AGBL1: variants seen among roughly 807,000 people sequenced by gnomAD.
AGBL1 encodes cytosolic carboxypeptidase 4.
Under a neutral mutation model 118.9 loss-of-function variants are expected in AGBL1, and 130 were observed. The observed-to-expected ratio is 1.09, with a 90% CI of 0.95 to 1.26. The LOEUF (loss-of-function observed/expected upper bound fraction) is 1.26. Ranked by LOEUF, AGBL1 falls within the 50% of genes most tolerant of loss-of-function variation. AGBL1 has a pLI of 0.00. For synonymous variants in AGBL1, 555 were observed against 478.9 expected (o/e 1.16, Z -2.08); for missense variants, 1,584 against 1,298.1 (o/e 1.22, Z -3.38).
At chr15:86,950,428 A>C (rs1458726445) in intron 23 of AGBL1, among the ~76,000 whole-genome samples, 1 of 151,180 alleles carries the variant, frequency 6.6e-6, no homozygotes, top group African/African-American at 2.4e-5. Context: ...GTAGTAAAAG[A>C]GACATAATCA....
intron 19 of AGBL1, among the ~76,000 whole-genome samples, chr15:86,545,276 T>C (rs1272550363): frequency 2.0e-5 from 3 of 152,344 alleles, no homozygotes; most frequent in African/African-American, 7.2e-5. Context: ...TAAGCCATTG[T>C]GTTTTGATGG....
chr15:86,250,607 TA>T (rs1467158081), intron 7 of AGBL1, among the ~76,000 whole-genome samples: 2 of 146,700 alleles, frequency 1.4e-5, no homozygotes, highest in Non-Finnish European at 1.5e-5. Context: ...TTATCAAGTT[TA>T]TGTGCAAAGT....
At chr15:86,345,146 C>T (rs1010242193) in intron 17 of AGBL1, among the ~76,000 whole-genome samples, 3 of 151,796 alleles carry the variant, frequency 2.0e-5, no homozygotes, top group Non-Finnish European at 4.4e-5. Context: ...TCTGCTTGAG[C>T]TTTATATTAA....
At chr15:86,936,267 T>TGA (rs2080674116) in intron 23 of AGBL1, among the ~76,000 whole-genome samples, 4 of 151,536 alleles carry the variant, frequency 2.6e-5, no homozygotes, top group Non-Finnish European at 5.9e-5. Flanking sequence ...TGTGTGTGTG[T>TGA]GACAGAGAGA....
chr15:86,471,152 T>C lies in AGBL1; in HGVS notation c.2556-51658T>C, dbSNP rs139752578. On this transcript the variant is annotated intron_variant, in intron 18 of 22. Coordinates refer to ENST00000614907, the MANE Select transcript of AGBL1 (RefSeq NM_001386094.1). ...TTTTTACCACTGAATATAATGTTAG[T>C]TGTGGGATTGACATAAATGGCCTTT... is the stretch of plus-strand genomic sequence containing the variant. 4.9e-4 allele frequency among the ~76,000 whole-genome samples: 75 copies of C among 152,298 alleles called. 1 individual carries two copies. Among genetic ancestry groups the C allele is most frequent in the African/African-American group, 1.7e-3 (72 of 41,574 alleles).
intron 21 of AGBL1, among the ~76,000 whole-genome samples, chr15:86,590,880 T>A (rs1035846825): frequency 9.9e-5 from 15 of 152,232 alleles, no homozygotes; most frequent in Admixed American, 7.9e-4. Context: ...AAAACACTTT[T>A]ATTTTCCTCA....
At chr15:86,408,024 A>G (rs1366913351) in intron 18 of AGBL1, among the ~76,000 whole-genome samples, 1 of 152,200 alleles carries the variant, frequency 6.6e-6, no homozygotes, top group Non-Finnish European at 1.5e-5. Context: ...CAGCAAAGGC[A>G]GAGGGCAACT....
chr15:86,382,759 C>A (rs2081129489), intron 17 of AGBL1, among the ~76,000 whole-genome samples: 1 of 151,940 alleles, frequency 6.6e-6, no homozygotes, highest in African/African-American at 2.4e-5. Context: ...AGCAGCTCAG[C>A]CTTAATTTTA....
intron 22 of AGBL1, among the ~76,000 whole-genome samples, chr15:86,734,856 C>A (rs78865036): frequency 0.012 from 1,854 of 152,112 alleles, 27 homozygotes; most frequent in East Asian, 0.068. Flanking sequence ...TGCCACTGTT[C>A]CCTGAGTGAG....
chr15:86,113,228 TTTTCTTTTCTTTTCTTTTCTTTTCTTTTC>T (rs201244059), intron 1 of AGBL1, among the ~76,000 whole-genome samples: 12,223 of 84,544 alleles, frequency 0.14, 637 homozygotes, highest in African/African-American at 0.25. Context: ...TTTTCTTTTC[TTTTCTTTTCTTTTCTTTTCTTTTCTTTTC>T]TTTCTTTCTT....
chr15:86,414,928 T>C (rs2081669427), intron 18 of AGBL1, among the ~76,000 whole-genome samples: 1 of 152,158 alleles, frequency 6.6e-6, no homozygotes, highest in African/African-American at 2.4e-5. Context: ...TGTCATAGGT[T>C]GGGTTATTTA....
chr15:86,969,416 C>A (rs143175148), intron 23 of AGBL1, among the ~76,000 whole-genome samples: 1 of 151,728 alleles, frequency 6.6e-6, no homozygotes, highest in African/African-American at 2.4e-5. Context: ...TACAAGAAAA[C>A]GAAGCACAGG....
rs932358126 is a variant in AGBL1, at chr15:86,266,405, A to G, written c.1699A>G (p.Ile567Val). Residue 567 changes from isoleucine (I) to valine (V), a missense_variant, in exon 12 of 23, where the codon ATC (isoleucine) becomes GTC (valine). Physicochemically the swap from Ile to Val is conservative, Grantham distance 29. Coordinates refer to ENST00000614907, the MANE Select transcript of AGBL1 (RefSeq NM_001386094.1). ...GATATTTGAGGATATTCGGAGGCTC[A>G]TCCAGCCAAGTGATGTTATAAATAA... ...IRIFEDIRRL[I>V]QPSDVINKVV... 1 of 1,581,902 alleles carries G rather than the reference A, an allele frequency of 6.3e-7. No individual in the cohort carries two copies. The highest frequency in any genetic ancestry group is 8.6e-7 in the Non-Finnish European group (1 of 1,162,234).
At chr15:86,895,175 C>T (rs1162090966) in intron 22 of AGBL1, among the ~76,000 whole-genome samples, 1 of 147,418 alleles carries the variant, frequency 6.8e-6, no homozygotes, top group African/African-American at 2.5e-5. Flanking sequence ...TTCTCTTTCC[C>T]CCCTCTTTTC....
chr15:86,553,342 C>G (rs977688496), intron 20 of AGBL1, among the ~76,000 whole-genome samples: 3 of 152,066 alleles, frequency 2.0e-5, no homozygotes, highest in Non-Finnish European at 4.4e-5. Flanking sequence ...CTGGAAGATC[C>G]CTTTCTGTCA....
chr15:86,198,202 T>A (rs1265527670), intron 5 of AGBL1, among the ~76,000 whole-genome samples: 1 of 152,194 alleles, frequency 6.6e-6, no homozygotes, highest in Non-Finnish European at 1.5e-5. Context: ...GATTTCTCAC[T>A]TTTGGAATGG....
chr15:86,361,307 GAT>G (rs1455864147), intron 17 of AGBL1, among the ~76,000 whole-genome samples: 10 of 151,892 alleles, frequency 6.6e-5, no homozygotes, highest in Non-Finnish European at 1.5e-4. Flanking sequence ...GTTCATAAAA[GAT>G]ATTTGGAATA....
chr15:86,252,002 T>C (rs2078824018), intron 7 of AGBL1, among the ~76,000 whole-genome samples: 2 of 152,192 alleles, frequency 1.3e-5, no homozygotes, highest in Admixed American at 1.3e-4. Context: ...GTTTTCAAAC[T>C]TGAGCATGCA....
At chr15:86,694,359 C>T (rs1407148368) in intron 22 of AGBL1, among the ~76,000 whole-genome samples, 4 of 151,492 alleles carry the variant, frequency 2.6e-5, no homozygotes, top group African/African-American at 7.3e-5. Context: ...TTGCAGCTAA[C>T]GTAAAGGGTG....
Sources: allele counts gnomAD v4.1 joint callset (sites outside exome capture counted in the v4.1 genomes callset), GRCh38; gene constraint gnomAD v4.1.1; transcripts MANE v1.5; gene names NCBI Gene and HGNC (gene_info 2026-07-23, HGNC 2026-07-21).